The following FBXO11 variants were observed in gnomAD, a reference collection of about 807,000 sequenced individuals.
The protein encoded by FBXO11 is F-box protein 11.
A neutral mutation model predicts 117.0 loss-of-function variants in FBXO11; 13 were observed. The ratio of observed to expected loss-of-function variants is 0.11; its 90% CI spans 0.07 to 0.18. FBXO11 has a LOEUF of 0.18. Among genes scored for constraint, FBXO11 ranks in the 10% least tolerant of loss-of-function variants. The pLI is 1.00. For synonymous variants in FBXO11, 490 were observed against 380.5 expected (o/e 1.29, Z -3.35); for missense variants, 767 against 1,164.4 (o/e 0.66, Z 4.97).
chr2:47,818,611 C>A, intron 16 of FBXO11, 168 bp downstream of exon 16: 1 of 604,820 alleles, frequency 1.7e-6, no homozygotes, highest in Non-Finnish European at 2.9e-6. Context: ...TCACCTAGAC[C>A]AAGGAAAGCT....
intron 1 of FBXO11, among the ~76,000 whole-genome samples, chr2:47,843,682 T>C (rs1428377853): frequency 6.6e-6 from 1 of 152,174 alleles, no homozygotes. Flanking sequence ...ATTTTTTAAA[T>C]CCTTTATTTT....
At chr2:47,902,681 C>G (rs757916732) in intron 1 of FBXO11, among the ~76,000 whole-genome samples, 1 of 152,150 alleles carries the variant, frequency 6.6e-6, no homozygotes, top group Non-Finnish European at 1.5e-5. Context: ...AAAGACCATT[C>G]TGACAGACTT....
intron 11 of FBXO11, among the ~76,000 whole-genome samples, chr2:47,828,916 A>T (rs923223408): frequency 6.6e-6 from 1 of 152,038 alleles, no homozygotes; most frequent in Non-Finnish European, 1.5e-5. Flanking sequence ...TATGCCATGA[A>T]TTTTTTTATT....
chr2:47,893,734 T>A (rs1179261177), intron 1 of FBXO11, among the ~76,000 whole-genome samples: 3 of 152,188 alleles, frequency 2.0e-5, no homozygotes, highest in Admixed American at 6.5e-5. Context: ...TCAGAAGTCA[T>A]CTTATTCAAA....
At chr2:47,809,769 A>G (rs1433032772) in intron 19 of FBXO11, 62 bp from the exon 20 acceptor site, 2 of 1,062,692 alleles carry the variant, frequency 1.9e-6, no homozygotes, top group African/African-American at 1.6e-5. Context: ...AAAACCTGAA[A>G]TTAGCAAGCA....
At chr2:47,880,718 C>T (rs1450333774) in intron 1 of FBXO11, among the ~76,000 whole-genome samples, 2 of 152,118 alleles carry the variant, frequency 1.3e-5, no homozygotes, top group African/African-American at 2.4e-5. Context: ...GAAATAAGTG[C>T]CACTCTTTAT....
intron 1 of FBXO11, among the ~76,000 whole-genome samples, chr2:47,886,270 G>A (rs1482781022): frequency 1.3e-5 from 2 of 152,110 alleles, no homozygotes; most frequent in African/African-American, 4.8e-5. Context: ...ACTTTGGGAG[G>A]CCGAGGCAGG....
At chr2:47,875,190 G>GT (rs1675909747) in intron 1 of FBXO11, among the ~76,000 whole-genome samples, 2 of 152,102 alleles carry the variant, frequency 1.3e-5, no homozygotes, top group Admixed American at 6.6e-5. Flanking sequence ...AAGAGTAATT[G>GT]TAAGTTGTAT....
intron 1 of FBXO11, among the ~76,000 whole-genome samples, chr2:47,866,655 G>A (rs112107066): frequency 6.6e-6 from 1 of 151,988 alleles, no homozygotes; most frequent in African/African-American, 2.4e-5. Context: ...TATATTTTTA[G>A]TAGAGATGAG....
intron 1 of FBXO11, among the ~76,000 whole-genome samples, chr2:47,855,858 A>G (rs2103694042): frequency 6.6e-6 from 1 of 152,132 alleles, no homozygotes; most frequent in South Asian, 2.1e-4. Flanking sequence ...AAAAAAAGGA[A>G]TGTTGCCTGG....
At chr2:47,863,512 GCTC>G (rs1674949054) in intron 1 of FBXO11, among the ~76,000 whole-genome samples, 1 of 152,276 alleles carries the variant, frequency 6.6e-6, no homozygotes, top group African/African-American at 2.4e-5. Flanking sequence ...TCTACAGACA[GCTC>G]CTAATTTATG....
At chr2:47,814,226 A>T (rs1670844304) in intron 16 of FBXO11, 1 of 205,870 alleles carries the variant, frequency 4.9e-6, no homozygotes, top group Non-Finnish European at 1.0e-5. Context: ...GTATTGCAAT[A>T]AAGAGAGTCG....
At chr2:47,874,133 G>T (rs1163991784) in intron 1 of FBXO11, among the ~76,000 whole-genome samples, 2 of 152,114 alleles carry the variant, frequency 1.3e-5, no homozygotes, top group Non-Finnish European at 2.9e-5. Flanking sequence ...AGAATCGCTT[G>T]AACCTGGGAG....
chr2:47,864,371 T>C (rs1474929914), intron 1 of FBXO11, among the ~76,000 whole-genome samples: 2 of 152,230 alleles, frequency 1.3e-5, no homozygotes, highest in South Asian at 4.1e-4. Flanking sequence ...GCAGATCACC[T>C]GAGGTCAGGA....
rs545859134 is a variant in FBXO11, at chr2:47,891,621, T to C, written c.232+13868A>G. On this transcript the variant is annotated intron_variant, in intron 1 of 22. Coordinates refer to ENST00000403359, the MANE Select transcript of FBXO11 (RefSeq NM_001190274.2). ...TTCTTCAAGTTCCTGATTTCATTTC[T>C]TTTGAATAAATACTTGGAAGAAGAA... is the stretch of plus-strand genomic sequence containing the variant. Among the ~76,000 whole-genome samples the C allele has an allele frequency of 1.5e-3, 236 of 152,374 alleles. 1 individual carries two copies. Among genetic ancestry groups the C allele is most frequent in the Non-Finnish European group, 2.7e-3 (187 of 68,040 alleles).
rs1671176679 is a variant in FBXO11, at chr2:47,818,703, A to AT, written c.2006+75dup. The AT allele has an allele frequency of 3.2e-6, 3 of 934,242 alleles. No homozygotes were observed. In the African/African-American group the frequency reaches 5.0e-5, roughly 16 times the overall value. 57.9% of individuals were successfully genotyped at this position (934,242 alleles called of 1,614,324 possible). ...GGGGATAAAGATTGGGCATTAAACA[A>AT]TAAGCAAATTTCTTTTACACACCCC... On this transcript the variant is annotated intron_variant, in intron 16 of 22. Transcript: ENST00000403359.
chr2:47,822,786 A>G (rs1299475166), intron 12 of FBXO11, among the ~76,000 whole-genome samples: 2 of 152,156 alleles, frequency 1.3e-5, no homozygotes, highest in East Asian at 1.9e-4. Context: ...GAATTATTCT[A>G]TTTGCTAACT....
chr2:47,808,515 GCTTTAAGAGGACCAAAACA>G (rs1670382433), intron 21 of FBXO11, 88 bp from the exon 22 acceptor site: 24 of 1,212,476 alleles, frequency 2.0e-5, no homozygotes, highest in Non-Finnish European at 2.7e-5. Context: ...ATGACCTTTG[GCTTTAAGAGGACCAAAACA>G]AAATTCTTTG....
chr2:47,832,941 T>C (rs535697239), intron 8 of FBXO11, 23 bp downstream of exon 8: 2 of 1,602,404 alleles, frequency 1.2e-6, no homozygotes, highest in African/African-American at 1.3e-5. Flanking sequence ...TCAATGTGTA[T>C]TTTAAATCTT....
Sources: gnomAD v4.1 joint callset for allele counts (sites outside exome capture counted in the v4.1 genomes callset) on GRCh38, gnomAD v4.1.1 for gene constraint, MANE v1.5 for transcripts, NCBI Gene and HGNC (gene_info 2026-07-23, HGNC 2026-07-21) for gene names.